ZNF324B: variants seen among roughly 807,000 people sequenced by gnomAD.
ZNF324B encodes zinc finger protein 324B.
In ZNF324B, 7 loss-of-function variants were observed where a neutral mutation model predicts 10.6. The ratio of observed to expected loss-of-function variants is 0.66; its 90% CI spans 0.38 to 1.24. ZNF324B has a LOEUF of 1.24. Among genes scored for constraint, ZNF324B ranks in the 50% most tolerant of loss-of-function variants. ZNF324B has a pLI of 0.02. For synonymous variants in ZNF324B, 316 were observed against 321.0 expected, an observed-to-expected ratio of 0.98 and a Z score of 0.17; for missense variants, 640 against 764.7, an observed-to-expected ratio of 0.84 and a Z score of 1.92.
Position 58,456,093 on chromosome 19 carries a change from C to T in ZNF324B, c.1149C>T (p.His383=). Residue 383 remains histidine (H), a synonymous_variant, in exon 4 of 4, where the codon CAC becomes CAT. Coordinates refer to ENST00000336614, the MANE Select transcript of ZNF324B (RefSeq NM_207395.3). The surrounding 1 kb of genome is among the most constrained non-coding windows in gnomAD (Gnocchi z 4.7). ...QCGRRFCRNS[H]LIQHERTHTG... is the part of the protein sequence containing the mutation. ...GCCGCCGCTTCTGCCGCAACTCGCA[C>T]CTGATCCAGCACGAGCGTACGCACA... The T allele has an allele frequency of 1.2e-6, 2 of 1,612,792 alleles. No individual in the cohort carries two copies. Among genetic ancestry groups the T allele is most frequent in the Non-Finnish European group, 1.7e-6 (2 of 1,179,926 alleles).
chr19:58,452,694 G>C (rs910628906), intron 1 of ZNF324B: 14 of 973,130 alleles, frequency 1.4e-5, no homozygotes, highest in Non-Finnish European at 1.6e-5. Flanking sequence ...TGGACCTGAC[G>C]TTGTTGGTGT....
the ZNF324B span, among the ~76,000 whole-genome samples, chr19:58,423,424 T>C: frequency 0.1 from 15,634 of 152,238 alleles, 2,522 homozygotes; most frequent in African/African-American, 0.35. Context: ...CCTCCCAAAG[T>C]GCTGGGATTG....
At chr19:58,422,386 C>T in the ZNF324B span, among the ~76,000 whole-genome samples, 1 of 152,140 alleles carries the variant, frequency 6.6e-6, no homozygotes, top group East Asian at 1.9e-4. Context: ...TTCACCACTC[C>T]TATTCAACAT....
upstream of ZNF324B, among the ~76,000 whole-genome samples, chr19:58,450,928 G>T (rs1291300686): frequency 2.6e-5 from 4 of 152,210 alleles, no homozygotes; most frequent in Non-Finnish European, 5.9e-5. Flanking sequence ...GATGTGTGGG[G>T]CAAAGCAAGA....
chr19:58,454,309 C>T lies in ZNF324B; in HGVS notation c.203C>T (p.Thr68Ile). ...EPWVPSGKDM[T>I]LARNTYGRLN... ...TGGGTTCCCAGTGGAAAGGACATGA[C>T]CCTGGCCAGGAACACCTACGGGAGG... The change falls in exon 3 of 4, where the codon ACC becomes ATC. Residue 68 changes from threonine to isoleucine, a missense_variant. Around this residue, in one of 3 missense-constraint regions of ZNF324B, gnomAD observed 345 missense variants for 387.9 expected, o/e 0.89. Transcript: ENST00000336614. The T allele has an allele frequency of 6.2e-7, 1 of 1,614,084 alleles. No individual in the cohort carries two copies. The highest frequency in any genetic ancestry group is 1.3e-5 in the African/African-American group (1 of 75,032).
chr19:58,437,724 A>G, the ZNF324B span: 2 of 985,248 alleles, frequency 2.0e-6, no homozygotes, highest in Non-Finnish European at 2.4e-6. Flanking sequence ...CACATGGCAT[A>G]CCTGACAGAT....
chr19:58,420,945 C>A, the ZNF324B span, among the ~76,000 whole-genome samples: 1 of 151,374 alleles, frequency 6.6e-6, no homozygotes, highest in South Asian at 2.1e-4. Context: ...ACCTTGTGAT[C>A]TGCCCACCTC....
chr19:58,451,678 CG>C lies in ZNF324B; in HGVS notation c.-29del. 2.0e-6 allele frequency: 1 copy of C among 502,882 alleles called. No individual in the cohort carries two copies. Among genetic ancestry groups the C allele is most frequent in the Non-Finnish European group, 3.9e-6 (1 of 253,372 alleles). The allele number at this position is 502,882 out of a possible 1,614,324, so 31.2% of individuals were successfully genotyped here. A position where few individuals can be genotyped will look rare whatever the true frequency, so the allele number is the denominator to read the frequency against. On this transcript the variant is annotated 5_prime_UTR_variant, in exon 1 of 4. Coordinates refer to ENST00000336614, the MANE Select transcript of ZNF324B (RefSeq NM_207395.3). ...GTGGTCTGGGCTGTGGCGCGCGGGT[CG>C]GGGCCCGAGGCGGGCGGCCAGGAAG... is the stretch of plus-strand genomic sequence containing the variant.
chr19:58,435,919 A>G, the ZNF324B span, among the ~76,000 whole-genome samples: 1 of 152,184 alleles, frequency 6.6e-6, no homozygotes, highest in Non-Finnish European at 1.5e-5. Context: ...ATTTTTTTCT[A>G]ACACCTAAAA....
the ZNF324B span, chr19:58,440,758 G>A: frequency 1.3e-5 from 2 of 152,188 alleles, no homozygotes; most frequent in African/African-American, 4.8e-5. Flanking sequence ...AGGTGTCCGC[G>A]GCTCTCGGGA....
chr19:58,455,520 T>C lies in ZNF324B; in HGVS notation c.576T>C (p.Pro192=). Reference sequence around the variant, plus strand: ...TGCCTGGGAGGCAGCCCAGGACGCCTGAGCGGCAGAAGCCATGTGCACAGG... The same window carrying C: ...TGCCTGGGAGGCAGCCCAGGACGCCCGAGCGGCAGAAGCCATGTGCACAGG... ...YRVPGRQPRT[P]ERQKPCAQEV... The change falls in exon 4 of 4, where the codon CCT becomes CCC. Residue 192 remains proline, a synonymous_variant. Coordinates refer to ENST00000336614, the MANE Select transcript of ZNF324B (RefSeq NM_207395.3). This position sits in a 1 kb window ranked among gnomAD's most constrained non-coding sequence, Gnocchi z 7.0. 1.2e-6 allele frequency: 2 copies of C among 1,614,024 alleles called. No individual in the cohort carries two copies. The highest frequency in any genetic ancestry group is 1.7e-6 in the Non-Finnish European group (2 of 1,179,992).
chr19:58,450,793 G>C (rs2052850438), upstream of ZNF324B, among the ~76,000 whole-genome samples: 1 of 152,206 alleles, frequency 6.6e-6, no homozygotes, highest in Non-Finnish European at 1.5e-5. Context: ...GCAACAAAGA[G>C]AGAATCGTTT....
At chr19:58,425,616 G>A in the ZNF324B span, among the ~76,000 whole-genome samples, 708 of 151,474 alleles carry the variant, frequency 4.7e-3, 4 homozygotes, top group Non-Finnish European at 6.7e-3. Context: ...GATTACAGCC[G>A]CCACCACCAC....
At chr19:58,426,270 G>A in the ZNF324B span, among the ~76,000 whole-genome samples, 26,414 of 152,134 alleles carry the variant, frequency 0.17, 2,536 homozygotes, top group Non-Finnish European at 0.21. Context: ...AGAGGATGGC[G>A]TGGTAGGACA....
the ZNF324B span, chr19:58,442,325 C>T: frequency 1.3e-5 from 2 of 150,360 alleles, no homozygotes; most frequent in African/African-American, 5.0e-5. Context: ...CCCGCCACCG[C>T]ACCCGGCTAA....
the ZNF324B span, among the ~76,000 whole-genome samples, chr19:58,439,490 A>C: frequency 6.6e-6 from 1 of 152,168 alleles, no homozygotes; most frequent in Admixed American, 6.5e-5. Context: ...CATCACCACT[A>C]AACAAGGTAC....
chr19:58,444,795 CCTTCA>C, the ZNF324B span: 7 of 152,348 alleles, frequency 4.6e-5, no homozygotes, highest in Non-Finnish European at 4.4e-5. Context: ...CATGGGAAGG[CCTTCA>C]CTTTTGTCTT....
the ZNF324B span, chr19:58,433,557 G>A: frequency 6.2e-7 from 1 of 1,614,018 alleles, no homozygotes; most frequent in African/African-American, 1.3e-5. Flanking sequence ...CACATTCACT[G>A]CATTCGTAAG....
At chr19:58,451,552 T>C (rs1192683843), upstream of ZNF324B, 1 of 511,544 alleles carries the variant, frequency 2.0e-6, no homozygotes, top group Non-Finnish European at 3.9e-6. Context: ...CCCAGAAGGC[T>C]GTGCGCAAGC....
Sources: allele counts gnomAD v4.1 joint callset (sites outside exome capture counted in the v4.1 genomes callset), GRCh38; gene constraint gnomAD v4.1.1; regional missense constraint gnomAD v4.1.1; non-coding constraint Gnocchi (gnomAD v3.1); transcripts MANE v1.5; gene names NCBI Gene and HGNC (gene_info 2026-07-23, HGNC 2026-07-21).